The following FCHSD2 variants were observed in gnomAD, a reference collection of about 807,000 sequenced individuals.
The protein encoded by FCHSD2 is F-BAR and double SH3 domains protein 2.
FCHSD2 carries 38 observed loss-of-function variants against 108.1 expected under a neutral mutation model. That is an observed-to-expected ratio of 0.35 (90% CI 0.27 to 0.46). The LOEUF is 0.46. Among genes scored for constraint, FCHSD2 ranks in the 20% least tolerant of loss-of-function variants. The pLI, the probability that FCHSD2 is intolerant of heterozygous loss-of-function variation, is 1.00. For synonymous variants in FCHSD2, 279 were observed against 314.7 expected (o/e 0.89, Z 1.20); for missense variants, 751 against 897.8 (o/e 0.84, Z 2.09).
chr11:72,884,574 T>C (rs1354931746), intron 12 of FCHSD2, among the ~76,000 whole-genome samples: 5 of 146,724 alleles, frequency 3.4e-5, no homozygotes, highest in Non-Finnish European at 7.5e-5. Context: ...TGATGATATA[T>C]ATAAAAGATC....
chr11:73,023,104 A>G (rs1223782752), intron 3 of FCHSD2, among the ~76,000 whole-genome samples: 1 of 152,206 alleles, frequency 6.6e-6, no homozygotes, highest in African/African-American at 2.4e-5. Context: ...AACATTTAGA[A>G]GAACAGAGAA....
At chr11:72,951,882 T>TTACTCCCA (rs1856626832) in intron 8 of FCHSD2, among the ~76,000 whole-genome samples, 1 of 152,220 alleles carries the variant, frequency 6.6e-6, no homozygotes, top group East Asian at 1.9e-4. Flanking sequence ...GAGAAAGTCC[T>TTACTCCCA]TACTCCCATA....
At chr11:73,057,637 T>C (rs1305678267) in intron 3 of FCHSD2, among the ~76,000 whole-genome samples, 2 of 152,162 alleles carry the variant, frequency 1.3e-5, no homozygotes, top group East Asian at 3.9e-4. Flanking sequence ...TCCATTTCCC[T>C]TTCAACATCA....
At chr11:72,861,931 C>CAAAAAAAAAAAA in intron 13 of FCHSD2, among the ~76,000 whole-genome samples, 1 of 109,580 alleles carries the variant, frequency 9.1e-6, no homozygotes, top group Non-Finnish European at 1.9e-5. Context: ...AACGCCGTCT[C>CAAAAAAAAAAAA]AAAAAAAAAA....
rs150822952 is a variant in FCHSD2 at position 72,875,566 on chromosome 11, C to T, written c.1147-7540G>A. ...TTGGTATCAAACTCCTGGCCTCAAA[C>T]GATCCTTCCGCCCTCCTGCCCTGGC... is the stretch of plus-strand genomic sequence containing the variant. On this transcript the variant is annotated intron_variant, in intron 12 of 19. Coordinates refer to ENST00000409418, the MANE Select transcript of FCHSD2 (RefSeq NM_014824.3). 8.1e-3 allele frequency among the ~76,000 whole-genome samples: 1,240 copies of T among 152,192 alleles called. 21 individuals carry two copies. The highest frequency in any genetic ancestry group is 0.028 in the African/African-American group (1,155 of 41,532).
intron 3 of FCHSD2, among the ~76,000 whole-genome samples, chr11:73,056,188 G>A (rs1161494391): frequency 1.3e-5 from 2 of 152,098 alleles, no homozygotes; most frequent in Admixed American, 6.6e-5. Flanking sequence ...TAGGTTAAGC[G>A]TCTTGTTAGT....
At chr11:73,090,975 C>A (rs1859943331) in intron 2 of FCHSD2, among the ~76,000 whole-genome samples, 1 of 152,114 alleles carries the variant, frequency 6.6e-6, no homozygotes, top group South Asian at 2.1e-4. Flanking sequence ...TTTGTCTCTA[C>A]AAATTTGCCT....
At chr11:72,999,063 C>G (rs928820013) in intron 5 of FCHSD2, among the ~76,000 whole-genome samples, 2 of 152,124 alleles carry the variant, frequency 1.3e-5, no homozygotes, top group African/African-American at 4.8e-5. Flanking sequence ...ATTCTAATAC[C>G]ATCATTTGAA....
At chr11:73,126,127 G>A (rs1281396406) in intron 2 of FCHSD2, among the ~76,000 whole-genome samples, 1 of 151,648 alleles carries the variant, frequency 6.6e-6, no homozygotes, top group Non-Finnish European at 1.5e-5. Context: ...GGATCACAAG[G>A]TCAGAAGTTC....
At chr11:72,895,245 G>A (rs1444713226) in intron 10 of FCHSD2, among the ~76,000 whole-genome samples, 1 of 152,146 alleles carries the variant, frequency 6.6e-6, no homozygotes, top group Non-Finnish European at 1.5e-5. Flanking sequence ...TGGACACCTG[G>A]GGAAAAGGAA....
chr11:73,089,699 T>C (rs1197018720), intron 2 of FCHSD2, among the ~76,000 whole-genome samples: 1 of 152,228 alleles, frequency 6.6e-6, no homozygotes, highest in East Asian at 1.9e-4. Context: ...CCATATATTT[T>C]AGAATTTCAT....
At position 72,916,289 on chromosome 11, in the gene FCHSD2, T is replaced by C. The variant is rs903624552; in HGVS notation, c.828+5539A>G. On this transcript the variant is annotated intron_variant, in intron 9 of 19. Transcript: ENST00000409418. ...ACTAGCTTTTAATTTCATTGACCTT[T>C]TGGTACACAACTTTTTTTTTTTTTT... Among the ~76,000 whole-genome samples the C allele has an allele frequency of 3.3e-5, 5 of 151,936 alleles. No homozygotes were observed. In the South Asian group the frequency reaches 1.0e-3, roughly 32 times the overall value.
chr11:72,851,175 G>A (rs898973389), intron 13 of FCHSD2, among the ~76,000 whole-genome samples: 7 of 150,280 alleles, frequency 4.7e-5, no homozygotes, highest in Admixed American at 4.0e-4. Context: ...ATCTATGGCT[G>A]GTAGAAATGT....
chr11:72,846,418 G>C (rs528604944), intron 14 of FCHSD2, among the ~76,000 whole-genome samples: 12 of 152,084 alleles, frequency 7.9e-5, no homozygotes, highest in Non-Finnish European at 1.3e-4. Flanking sequence ...CTGACCTCGC[G>C]ATTCGCCCGC....
intron 13 of FCHSD2, among the ~76,000 whole-genome samples, chr11:72,865,100 C>A (rs1338616159): frequency 1.3e-5 from 2 of 152,204 alleles, no homozygotes; most frequent in African/African-American, 4.8e-5. Flanking sequence ...CCACAAGGCA[C>A]TTTTCAGTTG....
chr11:72,840,823 C>T, intron 19 of FCHSD2, 54 bp downstream of exon 19: 1 of 1,317,280 alleles, frequency 7.6e-7, no homozygotes, highest in Non-Finnish European at 1.1e-6. Flanking sequence ...TAATTCCTTA[C>T]TTTCAATTTG....
chr11:73,140,197 T>A, intron 1 of FCHSD2, 69 bp from the exon 2 acceptor site: 1 of 793,756 alleles, frequency 1.3e-6, no homozygotes, highest in Non-Finnish European at 2.0e-6. Flanking sequence ...TTCAGGAAAA[T>A]ACATCTGTCA....
intron 3 of FCHSD2, among the ~76,000 whole-genome samples, chr11:73,027,916 G>T (rs1342890354): frequency 6.6e-6 from 1 of 152,252 alleles, no homozygotes; most frequent in East Asian, 1.9e-4. Flanking sequence ...CATGGTATTG[G>T]GCCTGTAGTT....
chr11:72,849,731 A>G, intron 14 of FCHSD2, 24 bp downstream of exon 14: 2 of 1,571,000 alleles, frequency 1.3e-6, no homozygotes, highest in Non-Finnish European at 1.7e-6. Context: ...GAATTTAATA[A>G]CATTATGTTG....
Sources: gnomAD v4.1 joint callset for allele counts (sites outside exome capture counted in the v4.1 genomes callset) on GRCh38, gnomAD v4.1.1 for gene constraint, MANE v1.5 for transcripts, NCBI Gene and HGNC (gene_info 2026-07-23, HGNC 2026-07-21) for gene names.